CFAP299: variants seen among roughly 807,000 people sequenced by gnomAD.
CFAP299 encodes cilia- and flagella-associated protein 299.
CFAP299 carries 21 observed loss-of-function variants against 27.0 expected under a neutral mutation model. That is an observed-to-expected ratio of 0.78 (90% confidence interval 0.55 to 1.12). CFAP299 has a LOEUF of 1.12. Among genes scored for constraint, CFAP299 ranks in the 50% most tolerant of loss-of-function variants. The probability of loss-of-function intolerance (pLI) is 0.00; values close to 1 mark genes in which losing one functional copy is unlikely to be tolerated. For synonymous variants in CFAP299, 104 were observed against 98.1 expected (o/e 1.06, Z -0.36); for missense variants, 310 against 276.6 (o/e 1.12, Z -0.86).
At chr4:80,797,889 GC>G (rs1727963403) in intron 3 of CFAP299, among the ~76,000 whole-genome samples, 1 of 152,112 alleles carries the variant, frequency 6.6e-6, no homozygotes, top group African/African-American at 2.4e-5. Context: ...CACAGTGGGG[GC>G]AATCTTTTAA....
At chr4:80,342,783 A>G (rs1156914914) in intron 1 of CFAP299, among the ~76,000 whole-genome samples, 1 of 152,210 alleles carries the variant, frequency 6.6e-6, no homozygotes, top group Non-Finnish European at 1.5e-5. Context: ...CTGCAAAATA[A>G]CCAGCTAGCA....
intron 2 of CFAP299, among the ~76,000 whole-genome samples, chr4:80,555,552 G>T (rs542631066): frequency 6.6e-6 from 1 of 152,152 alleles, no homozygotes; most frequent in South Asian, 2.1e-4. Flanking sequence ...CAATTCTTTG[G>T]AATAGTTTCA....
chr4:80,858,619 C>T (rs1188579520), intron 3 of CFAP299, among the ~76,000 whole-genome samples: 2 of 152,004 alleles, frequency 1.3e-5, no homozygotes, highest in Non-Finnish European at 2.9e-5. Flanking sequence ...TCTTTGTTCT[C>T]GTTGGTTTCA....
intron 2 of CFAP299, among the ~76,000 whole-genome samples, chr4:80,456,117 G>A (rs1192749565): frequency 6.6e-6 from 1 of 152,078 alleles, no homozygotes; most frequent in African/African-American, 2.4e-5. Flanking sequence ...AATGAACTAA[G>A]GTAGCAAGCC....
chr4:80,502,906 A>C (rs1731812038), intron 2 of CFAP299, among the ~76,000 whole-genome samples: 1 of 152,126 alleles, frequency 6.6e-6, no homozygotes, highest in African/African-American at 2.4e-5. Flanking sequence ...GATAGCTGTT[A>C]GAATAAAACT....
At chr4:80,527,066 T>C (rs1733225094) in intron 2 of CFAP299, among the ~76,000 whole-genome samples, 3 of 152,256 alleles carry the variant, frequency 2.0e-5, no homozygotes, top group Admixed American at 2.0e-4. Context: ...AGGATAAAAT[T>C]AGATCATGCA....
At position 80,406,519 on chromosome 4, in the gene CFAP299, C is replaced by T. The variant is rs559163752; in HGVS notation, c.242+43635C>T. 2.6e-5 allele frequency among the ~76,000 whole-genome samples: 4 copies of T among 152,214 alleles called. No homozygotes were observed. In the South Asian group the frequency reaches 8.3e-4, roughly 32 times the overall value. ...AGCTGGGACCATAGGCTCATGCCACCACACCCAGCTCATTTTGTTTACTTT... is the reference window on the plus strand; with the variant it reads ...AGCTGGGACCATAGGCTCATGCCACTACACCCAGCTCATTTTGTTTACTTT... On this transcript the variant is annotated intron_variant, in intron 2 of 5. Coordinates refer to ENST00000358105, the MANE Select transcript of CFAP299 (RefSeq NM_152770.3).
At chr4:80,856,075 C>G (rs958679008) in intron 3 of CFAP299, among the ~76,000 whole-genome samples, 1 of 151,164 alleles carries the variant, frequency 6.6e-6, no homozygotes, top group Admixed American at 6.6e-5. Context: ...CCTGTTGTTT[C>G]CTGACTTTTT....
At chr4:80,754,465 A>G (rs180828511) in intron 3 of CFAP299, among the ~76,000 whole-genome samples, 7 of 152,132 alleles carry the variant, frequency 4.6e-5, no homozygotes, top group Admixed American at 4.6e-4. Context: ...TTTGTCAATG[A>G]GTATTGAAGA....
chr4:80,735,986 C>A (rs1204423900), intron 3 of CFAP299, among the ~76,000 whole-genome samples: 2 of 151,768 alleles, frequency 1.3e-5, no homozygotes, highest in African/African-American at 2.4e-5. Flanking sequence ...CTCTATTTTT[C>A]AGAAGTTTGA....
At chr4:80,818,359 T>C (rs1729529904) in intron 3 of CFAP299, among the ~76,000 whole-genome samples, 2 of 152,274 alleles carry the variant, frequency 1.3e-5, no homozygotes, top group African/African-American at 4.8e-5. Flanking sequence ...GTTTGCCATC[T>C]TTTTTCCAAG....
intron 4 of CFAP299, among the ~76,000 whole-genome samples, chr4:80,942,808 G>C (rs1283793784): frequency 6.6e-6 from 1 of 152,172 alleles, no homozygotes; most frequent in Non-Finnish European, 1.5e-5. Flanking sequence ...GAGAATATAT[G>C]TACAGTTGAA....
chr4:80,528,275 T>G (rs1030025786), intron 2 of CFAP299, among the ~76,000 whole-genome samples: 2 of 152,126 alleles, frequency 1.3e-5, no homozygotes, highest in Non-Finnish European at 2.9e-5. Flanking sequence ...CCTCATTCTA[T>G]TTACCGAATA....
intron 4 of CFAP299, chr4:80,871,491 T>G (rs1272621121): frequency 1.0e-6 from 1 of 985,262 alleles, no homozygotes; most frequent in African/African-American, 1.7e-5. Flanking sequence ...TTATGATTCT[T>G]AAAACTTATG....
chr4:80,572,506 A>ATTTTTTTTTTT (rs1376714424), intron 2 of CFAP299, among the ~76,000 whole-genome samples: 3 of 28,258 alleles, frequency 1.1e-4, no homozygotes, highest in Non-Finnish European at 3.2e-4. Context: ...ACTGGATCCC[A>ATTTTTTTTTTT]GTTTTTTTTT....
chr4:80,855,091 G>T (rs1261728095), intron 3 of CFAP299, among the ~76,000 whole-genome samples: 1 of 152,056 alleles, frequency 6.6e-6, no homozygotes, highest in Non-Finnish European at 1.5e-5. Context: ...ACAAGTGATG[G>T]AGGTCAGAAA....
chr4:80,540,597 C>G (rs1311226622), intron 2 of CFAP299, among the ~76,000 whole-genome samples: 1 of 152,112 alleles, frequency 6.6e-6, no homozygotes, highest in Non-Finnish European at 1.5e-5. Flanking sequence ...AAAACAAAGT[C>G]TGTTTGCACA....
chr4:80,433,958 C>T (rs1727944596), intron 2 of CFAP299, among the ~76,000 whole-genome samples: 1 of 152,134 alleles, frequency 6.6e-6, no homozygotes, highest in Non-Finnish European at 1.5e-5. Context: ...TTTATAGTGT[C>T]ATAGCAAGTG....
intron 3 of CFAP299, among the ~76,000 whole-genome samples, chr4:80,830,967 A>G (rs1730267288): frequency 6.6e-6 from 1 of 152,108 alleles, no homozygotes; most frequent in East Asian, 1.9e-4. Flanking sequence ...AATACTCTAC[A>G]AGATATTTAC....
Sources: gnomAD v4.1 joint callset for allele counts (sites outside exome capture counted in the v4.1 genomes callset) on GRCh38, gnomAD v4.1.1 for gene constraint, MANE v1.5 for transcripts, NCBI Gene and HGNC (gene_info 2026-07-23, HGNC 2026-07-21) for gene names.